Variants in STAG1 observed in about 807,000 individuals in gnomAD.
STAG1 encodes STAG1 cohesin complex component.
STAG1 carries 26 observed loss-of-function variants against 170.9 expected under a neutral mutation model. The ratio of observed to expected loss-of-function variants is 0.15; its 90% CI spans 0.11 to 0.21. The LOEUF is 0.21. Among genes scored for constraint, STAG1 ranks in the 10% least tolerant of loss-of-function variants. The pLI, the probability that STAG1 is intolerant of heterozygous loss-of-function variation, is 1.00. For missense variants in STAG1, 964 were observed against 1,509.5 expected (o/e 0.64, Z 5.99); for synonymous variants, 514 against 497.7 (o/e 1.03, Z -0.44).
chr3:136,596,918 CA>C (rs932889117), intron 4 of STAG1, among the ~76,000 whole-genome samples: 1 of 152,114 alleles, frequency 6.6e-6, no homozygotes. Context: ...ACTAAAAATA[CA>C]AAAAATTTAG....
chr3:136,608,463 A>G (rs1261401528), intron 3 of STAG1, among the ~76,000 whole-genome samples: 14 of 146,396 alleles, frequency 9.6e-5, no homozygotes, highest in East Asian at 4.1e-4. Context: ...CCGGGGAGGC[A>G]GAGTCTGCAG....
At chr3:136,674,900 G>A (rs184707996) in intron 1 of STAG1, among the ~76,000 whole-genome samples, 75 of 152,236 alleles carry the variant, frequency 4.9e-4, no homozygotes, top group Non-Finnish European at 3.2e-4. Context: ...AGAGAACTTT[G>A]CTACTTTCTA....
intron 28 of STAG1, among the ~76,000 whole-genome samples, chr3:136,349,605 G>A (rs963740278): frequency 6.6e-6 from 1 of 152,006 alleles, no homozygotes; most frequent in Admixed American, 6.6e-5. Flanking sequence ...TGTATGTACG[G>A]TCTTTCCTAT....
intron 1 of STAG1, among the ~76,000 whole-genome samples, chr3:136,632,472 A>G (rs1940369334): frequency 6.6e-6 from 1 of 152,176 alleles, no homozygotes; most frequent in South Asian, 2.1e-4. Context: ...TGTGGGAGCA[A>G]TACCAACTTC....
chr3:136,643,313 T>C (rs998496941), intron 1 of STAG1, among the ~76,000 whole-genome samples: 6 of 152,206 alleles, frequency 3.9e-5, no homozygotes, highest in Non-Finnish European at 8.8e-5. Flanking sequence ...ATTCCTGTAT[T>C]TAAGAAGTTG....
intron 9 of STAG1, among the ~76,000 whole-genome samples, chr3:136,485,670 A>G (rs1159508733): frequency 1.3e-5 from 2 of 152,206 alleles, no homozygotes; most frequent in African/African-American, 2.4e-5. Flanking sequence ...CGTCTGATAC[A>G]TCTCCCTTCC....
At chr3:136,465,422 T>C (rs560404127) in intron 12 of STAG1, among the ~76,000 whole-genome samples, 2 of 151,724 alleles carry the variant, frequency 1.3e-5, no homozygotes, top group South Asian at 4.2e-4. Context: ...GGTTTCGTCA[T>C]GTTAGGCAGA....
chr3:136,551,310 C>G (rs749077877), intron 5 of STAG1, among the ~76,000 whole-genome samples: 105 of 147,368 alleles, frequency 7.1e-4, no homozygotes, highest in Non-Finnish European at 7.6e-4. Flanking sequence ...TGCAGTGGCA[C>G]AATCCTGGCT....
chr3:136,709,039 C>T (rs1436256761), intron 1 of STAG1, among the ~76,000 whole-genome samples: 1 of 147,284 alleles, frequency 6.8e-6, no homozygotes. Context: ...TCTGTAATCC[C>T]ACCACTTTGG....
At chr3:136,712,639 T>C (rs1943415811) in intron 1 of STAG1, among the ~76,000 whole-genome samples, 1 of 152,078 alleles carries the variant, frequency 6.6e-6, no homozygotes, top group African/African-American at 2.4e-5. Flanking sequence ...CTCAGGAGAA[T>C]ATAAAAGGGA....
chr3:136,420,853 C>T (rs1442971814), intron 20 of STAG1, among the ~76,000 whole-genome samples: 1 of 152,244 alleles, frequency 6.6e-6, no homozygotes, highest in African/African-American at 2.4e-5. Flanking sequence ...CGGCTCACGA[C>T]AACCCCCACC....
intron 1 of STAG1, among the ~76,000 whole-genome samples, chr3:136,678,734 C>T (rs1000931021): frequency 2.0e-5 from 3 of 150,882 alleles, no homozygotes; most frequent in African/African-American, 7.3e-5. Flanking sequence ...AATTAGGTGC[C>T]ATGTGTGGTG....
At chr3:136,733,936 T>G (rs1934186715) in intron 1 of STAG1, among the ~76,000 whole-genome samples, 1 of 151,764 alleles carries the variant, frequency 6.6e-6, no homozygotes, top group African/African-American at 2.4e-5. Context: ...TGAAACCCTG[T>G]CTCTACTAAA....
chr3:136,394,579 T>C lies in STAG1; in HGVS notation c.2277+4170A>G, dbSNP rs2087098206. ...CTGCTTGAGTCTAGGAGTTTGAGAC[T>C]AGCCTGGGTAATATGGTGAAACCCC... On this transcript the variant is annotated intron_variant, in intron 22 of 33. Transcript: ENST00000383202. Among the ~76,000 whole-genome samples the C allele has an allele frequency of 2.6e-5, 4 of 151,822 alleles. No individual in the cohort carries two copies. The South Asian group carries it at 8.3e-4, about 31-fold the overall frequency.
intron 1 of STAG1, among the ~76,000 whole-genome samples, chr3:136,644,288 C>T (rs1401842773): frequency 1.3e-5 from 2 of 152,162 alleles, no homozygotes; most frequent in African/African-American, 2.4e-5. Flanking sequence ...CAGAATCCCA[C>T]AGACTGTAAA....
At chr3:136,717,265 G>A (rs1273882399) in intron 1 of STAG1, among the ~76,000 whole-genome samples, 1 of 152,180 alleles carries the variant, frequency 6.6e-6, no homozygotes, top group Non-Finnish European at 1.5e-5. Context: ...AAGCAGAGCT[G>A]CCTATATAGA....
chr3:136,504,348 G>T (rs1479951067), intron 7 of STAG1, among the ~76,000 whole-genome samples: 3 of 152,026 alleles, frequency 2.0e-5, no homozygotes, highest in African/African-American at 7.2e-5. Flanking sequence ...GACCAGAAAT[G>T]GATTTTTCAG....
At chr3:136,704,087 G>T (rs1649342673) in intron 1 of STAG1, among the ~76,000 whole-genome samples, 1 of 138,622 alleles carries the variant, frequency 7.2e-6, no homozygotes, top group African/African-American at 2.7e-5. Flanking sequence ...GTCTCACTCT[G>T]TCGCCCAGGC....
chr3:136,508,799 A>G (rs1285194856), intron 7 of STAG1, among the ~76,000 whole-genome samples: 1 of 152,246 alleles, frequency 6.6e-6, no homozygotes, highest in Non-Finnish European at 1.5e-5. Context: ...GTACCCTACA[A>G]ATTTCCGATT....
Sources: allele counts gnomAD v4.1 joint callset (sites outside exome capture counted in the v4.1 genomes callset), GRCh38; gene constraint gnomAD v4.1.1; transcripts MANE v1.5; gene names NCBI Gene and HGNC (gene_info 2026-07-23, HGNC 2026-07-21).